Variants in FNBP1 observed in about 807,000 individuals in gnomAD.
FNBP1 encodes formin-binding protein 1.
Under a neutral mutation model 90.6 loss-of-function variants are expected in FNBP1, and 26 were observed. The ratio of observed to expected loss-of-function variants is 0.29; its 90% CI spans 0.21 to 0.40. The LOEUF (loss-of-function observed/expected upper bound fraction) is 0.40, where lower values mean the gene tolerates loss of function less well. Among genes scored for constraint, FNBP1 ranks in the 10% least tolerant of loss-of-function variants. FNBP1 has a pLI of 1.00. For synonymous variants in FNBP1, 260 were observed against 265.2 expected, an observed-to-expected ratio of 0.98 and a Z score of 0.19; for missense variants, 635 against 768.0, an observed-to-expected ratio of 0.83 and a Z score of 2.05.
At chr9:130,023,240 C>A (rs1238637077) in intron 1 of FNBP1, among the ~76,000 whole-genome samples, 1 of 152,128 alleles carries the variant, frequency 6.6e-6, no homozygotes, top group African/African-American at 2.4e-5. Context: ...GGGGCAGTCA[C>A]ACACCAGGTG....
chr9:129,960,715 A>T (rs561289543), intron 4 of FNBP1, among the ~76,000 whole-genome samples: 2 of 152,140 alleles, frequency 1.3e-5, no homozygotes, highest in South Asian at 4.1e-4. Context: ...GTTGTGAAGG[A>T]AAGATTTCAG....
At chr9:130,026,428 A>G (rs2058347851) in intron 1 of FNBP1, among the ~76,000 whole-genome samples, 1 of 152,158 alleles carries the variant, frequency 6.6e-6, no homozygotes. Context: ...TGGGAGGCGG[A>G]GGTTGCAGTG....
rs548751014 is a variant in FNBP1 at position 130,041,045 on chromosome 9, C to A, written c.24+1907G>T. ...AGAGGAGGCCTCTCCAGATATTCCC[C>A]AAGCTGTTCTTGAACTCCTGGGCCC... On this transcript the variant is annotated intron_variant, in intron 1 of 16. Coordinates refer to ENST00000446176, the MANE Select transcript of FNBP1 (RefSeq NM_015033.3). This position sits in a 1 kb window ranked among gnomAD's most constrained non-coding sequence, Gnocchi z 4.3. Among the ~76,000 whole-genome samples, 67 of 149,632 alleles carry A rather than the reference C, an allele frequency of 4.5e-4. No homozygotes were observed. The highest frequency in any genetic ancestry group is 1.6e-3 in the African/African-American group (65 of 40,580).
At chr9:129,896,082 C>T (rs1588341875) in intron 15 of FNBP1, 86 bp from the exon 16 acceptor site, 8 of 1,395,106 alleles carry the variant, frequency 5.7e-6, no homozygotes, top group Middle Eastern at 1.8e-4. Flanking sequence ...AAACAAGTGT[C>T]GTCGAAGATG....
In FNBP1 at chr9:129,982,787, C is replaced by T. The variant is rs376606648; in HGVS notation, c.141-3413G>A. The stretch of plus-strand genomic sequence containing the variant: ...CAGGGATCTTCCCACCTTAGCCTCC[C>T]AAGTAGCTAGGACTACAGGTGCACA... On this transcript the variant is annotated intron_variant, in intron 2 of 16. Transcript: ENST00000446176. Among the ~76,000 whole-genome samples, 16 of 152,252 alleles carry T rather than the reference C, an allele frequency of 1.1e-4. No individual in the cohort carries two copies. In the East Asian group the frequency reaches 2.7e-3, roughly 26 times the overall value.
In FNBP1 at chr9:129,957,373, G is replaced by A. The variant is rs767444264; in HGVS notation, c.500C>T (p.Ala167Val). 6.8e-6 allele frequency: 11 copies of A among 1,611,412 alleles called. No individual in the cohort carries two copies. Among genetic ancestry groups the A allele is most frequent in the East Asian group, 2.2e-5 (1 of 44,766 alleles). ...KMDADINVTK[A>V]DVEKARQQAQ... is the part of the protein sequence containing the mutation. ...CTTTCACCTCACCTTTTCAACATCC[G>A]CTTTTGTGACATTGATGTCAGCGTC... The change falls in exon 6 of 17, where the codon GCG becomes GTG. Residue 167 changes from alanine (A) to valine (V), a missense_variant. Ala to Val is a moderately conservative substitution (Grantham distance 64). Coordinates refer to ENST00000446176, the MANE Select transcript of FNBP1 (RefSeq NM_015033.3). This position sits in a 1 kb window ranked among gnomAD's most constrained non-coding sequence, Gnocchi z 4.3.
chr9:129,925,956 G>C (rs60654679), intron 8 of FNBP1, among the ~76,000 whole-genome samples: 1 of 151,356 alleles, frequency 6.6e-6, no homozygotes, highest in Admixed American at 6.6e-5. Flanking sequence ...TTAGAATTTA[G>C]AACTATTGTT....
In FNBP1 at chr9:129,889,189, C is replaced by T. The variant is rs1390170161; in HGVS notation, c.*1350G>A. 9.5e-6 allele frequency: 2 copies of T among 210,384 alleles called. No homozygotes were observed. Among genetic ancestry groups the T allele is most frequent in the Non-Finnish European group, 1.9e-5 (2 of 103,404 alleles). 13.0% of individuals were successfully genotyped at this position (210,384 alleles called of 1,614,324 possible). ...AAGCAAACTCAACGAATTCCACATG[C>T]CCTGAAGAGCACGTGATAAAATACA... On this transcript the variant is annotated 3_prime_UTR_variant, in exon 17 of 17. Coordinates refer to ENST00000446176, the MANE Select transcript of FNBP1 (RefSeq NM_015033.3).
Position 129,900,171 on chromosome 9 carries a change from G to A in FNBP1, c.1551-70C>T. On this transcript the variant is annotated intron_variant, in intron 14 of 16. Coordinates refer to ENST00000446176, the MANE Select transcript of FNBP1 (RefSeq NM_015033.3). The surrounding 1 kb of genome is among the most constrained non-coding windows in gnomAD (Gnocchi z 4.1). ...CAGGGAGGACTCAGATTGAGTCCCT[G>A]CGACTGGAGAGCACTTGCAACCCCG... 6.8e-7 allele frequency: 1 copy of A among 1,470,292 alleles called. No individual in the cohort carries two copies. The highest frequency in any genetic ancestry group is 9.1e-7 in the Non-Finnish European group (1 of 1,103,634). The allele number at this position is 1,470,292 out of a possible 1,614,324, so 91.1% of individuals were successfully genotyped here.
At chr9:129,931,592 C>T (rs1043249578) in intron 6 of FNBP1, among the ~76,000 whole-genome samples, 4 of 151,336 alleles carry the variant, frequency 2.6e-5, no homozygotes, top group African/African-American at 7.3e-5. Context: ...GGCGACAGAG[C>T]AAGACTCCGT....
chr9:129,932,127 C>T (rs2042850330), intron 6 of FNBP1, among the ~76,000 whole-genome samples: 1 of 151,844 alleles, frequency 6.6e-6, no homozygotes, highest in South Asian at 2.1e-4. Flanking sequence ...AGGAGAATCG[C>T]TTGAACCCAG....
rs150367771 is a variant in FNBP1, at chr9:130,021,372, T to C, written c.24+21580A>G. 2.4e-3 allele frequency among the ~76,000 whole-genome samples: 358 copies of C among 152,326 alleles called. 3 individuals are homozygous for C. Among genetic ancestry groups the C allele is most frequent in the Admixed American group, 0.02 (309 of 15,304 alleles). On this transcript the variant is annotated intron_variant, in intron 1 of 16. Transcript: ENST00000446176. The stretch of plus-strand genomic sequence containing the variant: ...ATTTTCAGCCACATGCTGTAATTAC[T>C]GTAAAGTATTTTTAAAAGTTCGCCT...
chr9:129,979,675 T>C (rs2050881891), intron 2 of FNBP1, among the ~76,000 whole-genome samples: 1 of 152,126 alleles, frequency 6.6e-6, no homozygotes, highest in Non-Finnish European at 1.5e-5. Context: ...AGTCTCATTC[T>C]GTTGCCCAGG....
At chr9:129,961,819 C>G (rs939965104) in intron 4 of FNBP1, among the ~76,000 whole-genome samples, 1 of 152,188 alleles carries the variant, frequency 6.6e-6, no homozygotes, top group Admixed American at 6.6e-5. Flanking sequence ...CTCCCGGCCT[C>G]AAGTGATCCG....
chr9:130,020,981 T>TA lies in FNBP1; in HGVS notation c.24+21970dup, dbSNP rs551417730. Among the ~76,000 whole-genome samples, 886 of 152,168 alleles carry TA rather than the reference T, an allele frequency of 5.8e-3. 4 individuals are homozygous for TA. The highest frequency in any genetic ancestry group is 0.01 in the Middle Eastern group (3 of 294). On this transcript the variant is annotated intron_variant, in intron 1 of 16. Transcript: ENST00000446176. The stretch of plus-strand genomic sequence containing the variant: ...TACTCAGATCCCTGCCTCTGATTTT[T>TA]AAAAAAACAAAACATCACTGCTGCT...
At chr9:129,921,542 C>T (rs1311279462) in intron 10 of FNBP1, among the ~76,000 whole-genome samples, 2 of 151,806 alleles carry the variant, frequency 1.3e-5, no homozygotes, top group African/African-American at 4.8e-5. Context: ...TACAGGCACC[C>T]GCCTGTAATT....
chr9:130,032,507 T>C (rs1336564029), intron 1 of FNBP1, among the ~76,000 whole-genome samples: 1 of 152,222 alleles, frequency 6.6e-6, no homozygotes, highest in African/African-American at 2.4e-5. Context: ...TCAGTCATGG[T>C]GAAGAATATA....
chr9:129,986,006 T>C (rs1401517792), intron 2 of FNBP1, among the ~76,000 whole-genome samples: 2 of 140,800 alleles, frequency 1.4e-5, no homozygotes, highest in Non-Finnish European at 3.1e-5. Flanking sequence ...TGTGGTGGTG[T>C]GTGCCTGTAA....
At chr9:129,969,304 A>G (rs1302737414) in intron 4 of FNBP1, among the ~76,000 whole-genome samples, 1 of 152,220 alleles carries the variant, frequency 6.6e-6, no homozygotes, top group African/African-American at 2.4e-5. Flanking sequence ...TTTATCAAGA[A>G]CCATAAATCA....
Sources: gnomAD v4.1 joint callset for allele counts (sites outside exome capture counted in the v4.1 genomes callset) on GRCh38, gnomAD v4.1.1 for gene constraint, Gnocchi (gnomAD v3.1) non-coding constraint, MANE v1.5 for transcripts, NCBI Gene and HGNC (gene_info 2026-07-23, HGNC 2026-07-21) for gene names.